CSMD1: variants seen among roughly 807,000 people sequenced by gnomAD.
CSMD1 encodes CUB and Sushi multiple domains 1, also known as CUB and sushi domain-containing protein 1.
A neutral mutation model predicts 417.5 loss-of-function variants in CSMD1; 213 were observed. That is an observed-to-expected ratio of 0.51 (90% CI 0.46 to 0.57). CSMD1 has a LOEUF of 0.57. Ranked by LOEUF, CSMD1 falls within the 20% of genes least tolerant of loss-of-function variation. The pLI is 0.00. For synonymous variants in CSMD1, 2,862 were observed against 1,736.8 expected, an observed-to-expected ratio of 1.65 and a Z score of -16.11; for missense variants, 6,923 against 4,529.7, an observed-to-expected ratio of 1.53 and a Z score of -15.17.
chr8:3,779,387 G>A (rs1248192215), intron 5 of CSMD1, among the ~76,000 whole-genome samples: 1 of 152,148 alleles, frequency 6.6e-6, no homozygotes, highest in African/African-American at 2.4e-5. Flanking sequence ...AGGGGCTTCA[G>A]AAACCCTGTA....
intron 1 of CSMD1, among the ~76,000 whole-genome samples, chr8:4,755,626 C>T (rs1311303657): frequency 6.6e-6 from 1 of 152,152 alleles, no homozygotes; most frequent in Non-Finnish European, 1.5e-5. Flanking sequence ...TCATCGTCTC[C>T]AGCCCCCAGA....
intron 3 of CSMD1, among the ~76,000 whole-genome samples, chr8:4,116,257 G>T (rs1033071971): frequency 6.6e-6 from 1 of 152,046 alleles, no homozygotes. Context: ...GCCTCCCACA[G>T]TGCTGGGATT....
At chr8:4,087,066 G>C (rs1339751016) in intron 3 of CSMD1, among the ~76,000 whole-genome samples, 1 of 152,194 alleles carries the variant, frequency 6.6e-6, no homozygotes, top group African/African-American at 2.4e-5. Flanking sequence ...TAGCCCAAGA[G>C]AGATGCGTCA....
chr8:4,227,384 T>C (rs1801423978), intron 3 of CSMD1, among the ~76,000 whole-genome samples: 1 of 152,080 alleles, frequency 6.6e-6, no homozygotes, highest in Non-Finnish European at 1.5e-5. Flanking sequence ...AACCCTATTC[T>C]ATCCACTTAT....
At chr8:3,792,112 A>G (rs1799781850) in intron 5 of CSMD1, among the ~76,000 whole-genome samples, 1 of 152,110 alleles carries the variant, frequency 6.6e-6, no homozygotes, top group South Asian at 2.1e-4. Context: ...TGGGCCAAAT[A>G]GGGAGACCCT....
At chr8:4,317,298 T>G (rs1245257381) in intron 3 of CSMD1, among the ~76,000 whole-genome samples, 2 of 152,192 alleles carry the variant, frequency 1.3e-5, no homozygotes, top group African/African-American at 4.8e-5. Context: ...CTGGTGTGAT[T>G]TGTATAAATT....
intron 16 of CSMD1, among the ~76,000 whole-genome samples, chr8:3,398,263 T>A (rs893399762): frequency 2.0e-5 from 3 of 152,202 alleles, no homozygotes; most frequent in Non-Finnish European, 4.4e-5. Flanking sequence ...AAACCCAACG[T>A]AATCAACTGA....
At chr8:3,848,030 TTTTTA>T (rs1803628629) in intron 5 of CSMD1, among the ~76,000 whole-genome samples, 1 of 152,146 alleles carries the variant, frequency 6.6e-6, no homozygotes, top group Non-Finnish European at 1.5e-5. Flanking sequence ...CTGACACATG[TTTTTA>T]TTTTGTCTAA....
chr8:4,838,549 T>G (rs1800639805), intron 1 of CSMD1, among the ~76,000 whole-genome samples: 1 of 152,224 alleles, frequency 6.6e-6, no homozygotes, highest in African/African-American at 2.4e-5. Context: ...TTTTACCTGC[T>G]TACACCTGGG....
At chr8:4,770,646 G>A (rs1260197201) in intron 1 of CSMD1, among the ~76,000 whole-genome samples, 1 of 151,922 alleles carries the variant, frequency 6.6e-6, no homozygotes, top group Admixed American at 6.6e-5. Context: ...ATAGAGAGCT[G>A]AAATAAATCC....
intron 9 of CSMD1, among the ~76,000 whole-genome samples, chr8:3,577,048 G>A (rs1392787042): frequency 2.0e-5 from 3 of 152,302 alleles, no homozygotes; most frequent in East Asian, 3.9e-4. Context: ...AACATCTGCA[G>A]GGGAAAGTCA....
intron 1 of CSMD1, among the ~76,000 whole-genome samples, chr8:4,955,653 C>T (rs1285214800): frequency 6.6e-6 from 1 of 151,928 alleles, no homozygotes; most frequent in African/African-American, 2.4e-5. Flanking sequence ...ACGGGCTTTC[C>T]CCATATTGGC....
At chr8:4,919,679 G>A (rs1397105670) in intron 1 of CSMD1, among the ~76,000 whole-genome samples, 1 of 152,266 alleles carries the variant, frequency 6.6e-6, no homozygotes, top group East Asian at 1.9e-4. Context: ...TAACATAGGA[G>A]GTGTGAATCT....
At chr8:3,272,407 A>C (rs182446362) in intron 26 of CSMD1, among the ~76,000 whole-genome samples, 4 of 149,200 alleles carry the variant, frequency 2.7e-5, no homozygotes, top group Admixed American at 6.7e-5. Flanking sequence ...CTGACTTGGC[A>C]ATGTGGGCTC....
At chr8:3,762,476 A>G (rs1002066230) in intron 5 of CSMD1, among the ~76,000 whole-genome samples, 12 of 152,326 alleles carry the variant, frequency 7.9e-5, no homozygotes, top group African/African-American at 2.9e-4. Flanking sequence ...TATAAGGCAC[A>G]TGGCTGTGCT....
chr8:4,517,843 G>C (rs1394893267), intron 2 of CSMD1, among the ~76,000 whole-genome samples: 3 of 152,292 alleles, frequency 2.0e-5, no homozygotes, highest in African/African-American at 7.2e-5. Context: ...ACAGTTGTCA[G>C]ATGCAAAAGC....
chr8:2,993,933 C>G (rs1327831997), intron 54 of CSMD1, among the ~76,000 whole-genome samples: 3 of 148,980 alleles, frequency 2.0e-5, no homozygotes, highest in Non-Finnish European at 3.0e-5. Flanking sequence ...TTGGTGAGGT[C>G]AGGAATTCAA....
At chr8:4,055,895 T>G (rs999585477) in intron 3 of CSMD1, among the ~76,000 whole-genome samples, 1 of 152,032 alleles carries the variant, frequency 6.6e-6, no homozygotes, top group Non-Finnish European at 1.5e-5. Context: ...TACATACAAA[T>G]GATGAGTCAT....
At chr8:4,335,842 G>A (rs1344332001) in intron 3 of CSMD1, among the ~76,000 whole-genome samples, 1 of 151,994 alleles carries the variant, frequency 6.6e-6, no homozygotes, top group African/African-American at 2.4e-5. Context: ...GGTTGATTGG[G>A]GTATCTAAGC....
Sources: gnomAD v4.1 joint callset for allele counts (sites outside exome capture counted in the v4.1 genomes callset) on GRCh38, gnomAD v4.1.1 for gene constraint, MANE v1.5 for transcripts, NCBI Gene and HGNC (gene_info 2026-07-23, HGNC 2026-07-21) for gene names.